IPO9: variants seen among roughly 807,000 people sequenced by gnomAD.
IPO9 encodes importin-9.
IPO9 carries 28 observed loss-of-function variants against 128.6 expected under a neutral mutation model. The observed-to-expected ratio is 0.22, with a 90% confidence interval of 0.16 to 0.30. The LOEUF is 0.30. Among genes scored for constraint, IPO9 ranks in the 10% least tolerant of loss-of-function variants. The pLI is 1.00. For missense variants in IPO9, 935 were observed against 1,293.9 expected, an observed-to-expected ratio of 0.72 and a Z score of 4.26; for synonymous variants, 455 against 475.8, an observed-to-expected ratio of 0.96 and a Z score of 0.57.
rs572292732 is a variant in IPO9, at chr1:201,880,654, T to C, written c.*4600T>C. 2.0e-5 allele frequency: 3 copies of C among 152,346 alleles called. No individual in the cohort carries two copies. The highest frequency in any genetic ancestry group is 1.9e-4 in the East Asian group (1 of 5,190). 9.4% of individuals were successfully genotyped at this position (152,346 alleles called of 1,614,324 possible). On this transcript the variant is annotated 3_prime_UTR_variant, in exon 24 of 24. Transcript: ENST00000361565. Reference sequence around the variant, plus strand: ...GTGAACTATGAACCTCTATTAGATATGCAAGGCCGGTGCTAAATGCTGGAG... The same window carrying C: ...GTGAACTATGAACCTCTATTAGATACGCAAGGCCGGTGCTAAATGCTGGAG...
chr1:201,853,435 A>T (rs866625554), intron 6 of IPO9, among the ~76,000 whole-genome samples: 1 of 149,448 alleles, frequency 6.7e-6, no homozygotes, highest in South Asian at 2.1e-4. Flanking sequence ...GTCTCACTGT[A>T]TTGCCCAGGC....
chr1:201,837,697 CA>C (rs1273314856), intron 1 of IPO9, among the ~76,000 whole-genome samples: 1 of 152,088 alleles, frequency 6.6e-6, no homozygotes, highest in Non-Finnish European at 1.5e-5. Context: ...AGTAATGATC[CA>C]AAAATTATGC....
In IPO9 at chr1:201,877,834, G is replaced by C. The variant is rs1680794705; in HGVS notation, c.*1780G>C. The C allele has an allele frequency of 6.6e-6, 1 of 152,112 alleles. No homozygotes were observed. The highest frequency in any genetic ancestry group is 2.1e-4 in the South Asian group (1 of 4,816). The allele number at this position is 152,112 out of a possible 1,614,324, so 9.4% of individuals were successfully genotyped here. A position where few individuals can be genotyped will look rare whatever the true frequency, so the allele number is the denominator to read the frequency against. Reference sequence around the variant, plus strand: ...AGCTACTCGGGAGGCTGAGACAGGAGAATCGCTTGAACCTGGGAGGCAGAG... The same window carrying C: ...AGCTACTCGGGAGGCTGAGACAGGACAATCGCTTGAACCTGGGAGGCAGAG... On this transcript the variant is annotated 3_prime_UTR_variant, in exon 24 of 24. Coordinates refer to ENST00000361565, the MANE Select transcript of IPO9 (RefSeq NM_018085.5).
chr1:201,844,121 T>C (rs545022792), intron 1 of IPO9, among the ~76,000 whole-genome samples: 1 of 152,192 alleles, frequency 6.6e-6, no homozygotes, highest in South Asian at 2.1e-4. Context: ...TGTCAAAATA[T>C]TTCTCCCTAG....
rs1207921866 is a variant in IPO9 at position 201,857,167 on chromosome 1, T to C, written c.1194T>C (p.Val398=). Residue 398 remains valine (V), a synonymous_variant, in exon 11 of 24, where the codon GTT becomes GTC. Transcript: ENST00000361565. ...DEDDDTFSYT[V]RIAAQDLLLA... is the part of the protein sequence containing the mutation. ...ATGATGATACATTCTCCTATACTGT[T>C]AGAATAGCAGCTCAAGACTTGTTGC... 6.2e-7 allele frequency: 1 copy of C among 1,611,780 alleles called. No homozygotes were observed.
At chr1:201,853,863 C>T (rs1202538256) in intron 6 of IPO9, among the ~76,000 whole-genome samples, 6 of 152,230 alleles carry the variant, frequency 3.9e-5, no homozygotes, top group Non-Finnish European at 5.9e-5. Context: ...CTCAGCCTCC[C>T]GAGTAGCTGG....
At chr1:201,842,723 T>G (rs1367525236) in intron 1 of IPO9, among the ~76,000 whole-genome samples, 2 of 152,218 alleles carry the variant, frequency 1.3e-5, no homozygotes, top group Non-Finnish European at 2.9e-5. Flanking sequence ...TACTGCCACA[T>G]TACTAGAATC....
In IPO9 at chr1:201,854,856, C is replaced by G. The variant is rs1470347625; in HGVS notation, c.844C>G (p.His282Asp). 1 of 1,611,772 alleles carries G rather than the reference C, an allele frequency of 6.2e-7. No individual in the cohort carries two copies. The highest frequency in any genetic ancestry group is 1.3e-5 in the African/African-American group (1 of 74,748). ...VTALVKNFPK[H>D]MVSSMQQILP... ...AGCCCTAGTGAAAAACTTCCCAAAG[C>G]ACATGGTGTCCTCCATGCAGCAGAT... The change falls in exon 8 of 24, where the codon CAC (histidine) becomes GAC (aspartate). Residue 282 changes from histidine (H) to aspartate (D), a missense_variant. By Grantham distance (81) the His-to-Asp change is moderately conservative. Coordinates refer to ENST00000361565, the MANE Select transcript of IPO9 (RefSeq NM_018085.5).
intron 1 of IPO9, 99 bp downstream of exon 1, chr1:201,829,471 A>C: frequency 8.1e-7 from 1 of 1,237,226 alleles, no homozygotes; most frequent in Non-Finnish European, 1.1e-6. Flanking sequence ...AGCCAGTTGG[A>C]GATGTGGGCG....
Position 201,879,411 on chromosome 1 carries a change from TC to T in IPO9, c.*3362del, listed in dbSNP as rs1680842456. 1 of 152,174 alleles carries T rather than the reference TC, an allele frequency of 6.6e-6. No homozygotes were observed. The allele number at this position is 152,174 out of a possible 1,614,324, so 9.4% of individuals were successfully genotyped here. ...CCCATTGTGGGTTGACCTGGTAAGT[TC>T]CCCCAGGGCTGTGTCCTTGGCCCCT... On this transcript the variant is annotated 3_prime_UTR_variant, in exon 24 of 24. Coordinates refer to ENST00000361565, the MANE Select transcript of IPO9 (RefSeq NM_018085.5).
intron 1 of IPO9, among the ~76,000 whole-genome samples, chr1:201,830,491 T>C (rs1033443481): frequency 6.6e-6 from 1 of 152,214 alleles, no homozygotes; most frequent in African/African-American, 2.4e-5. Context: ...TATGTTAAGA[T>C]TTGGGATCTA....
intron 4 of IPO9, among the ~76,000 whole-genome samples, chr1:201,849,329 G>C (rs1357064615): frequency 6.6e-6 from 1 of 152,118 alleles, no homozygotes; most frequent in Non-Finnish European, 1.5e-5. Context: ...CTTAGGGATG[G>C]CCTGAGTTTC....
In IPO9 at chr1:201,829,184, G is replaced by A. The variant is rs767614898; in HGVS notation, c.-26G>A. On this transcript the variant is annotated 5_prime_UTR_variant, in exon 1 of 24. Coordinates refer to ENST00000361565, the MANE Select transcript of IPO9 (RefSeq NM_018085.5). Reference sequence around the variant, plus strand: ...CATTCGGTGGCGGGTCCCGGCCGCGGGGCTGGCGGGCTGAGGGGAGAAAAG... The same window carrying A: ...CATTCGGTGGCGGGTCCCGGCCGCGAGGCTGGCGGGCTGAGGGGAGAAAAG... The A allele has an allele frequency of 2.7e-6, 4 of 1,484,862 alleles. No homozygotes were observed. The highest frequency in any genetic ancestry group is 1.5e-5 in the African/African-American group (1 of 68,482). The allele number at this position is 1,484,862 out of a possible 1,614,324, so 92.0% of individuals were successfully genotyped here. A position where few individuals can be genotyped will look rare whatever the true frequency, so the allele number is the denominator to read the frequency against.
intron 14 of IPO9, among the ~76,000 whole-genome samples, chr1:201,865,199 CTTTTTTTTTTTTTT>C (rs201084995): frequency 7.5e-6 from 1 of 132,852 alleles, no homozygotes; most frequent in Non-Finnish European, 1.6e-5. Flanking sequence ...AACTATTTTT[CTTTTTTTTTTTTTT>C]TTTTCTTTTC....
At chr1:201,849,477 AT>A (rs1680179695) in intron 4 of IPO9, among the ~76,000 whole-genome samples, 1 of 152,150 alleles carries the variant, frequency 6.6e-6, no homozygotes, top group African/African-American at 2.4e-5. Context: ...CTTTGTTCAT[AT>A]AGGTTTGTAG....
chr1:201,833,154 C>T (rs1558214336), intron 1 of IPO9, among the ~76,000 whole-genome samples: 1 of 152,020 alleles, frequency 6.6e-6, no homozygotes, highest in East Asian at 1.9e-4. Flanking sequence ...GTGAGAGATC[C>T]ATTTGATTCA....
chr1:201,848,009 G>A (rs1680151141), intron 3 of IPO9, among the ~76,000 whole-genome samples: 1 of 152,032 alleles, frequency 6.6e-6, no homozygotes, highest in South Asian at 2.1e-4. Flanking sequence ...AAATTTTGAG[G>A]TATAAGGTCT....
At chr1:201,856,598 C>T (rs1457216906) in intron 10 of IPO9, among the ~76,000 whole-genome samples, 2 of 152,164 alleles carry the variant, frequency 1.3e-5, no homozygotes, top group Non-Finnish European at 2.9e-5. Context: ...ACCTACCTTG[C>T]TACTTAATAG....
chr1:201,865,672 CAAAT>C (rs1269334477), intron 14 of IPO9, among the ~76,000 whole-genome samples: 1 of 152,160 alleles, frequency 6.6e-6, no homozygotes, highest in Admixed American at 6.5e-5. Flanking sequence ...TACTGATTGA[CAAAT>C]AATTATACTT....
Sources: gnomAD v4.1 joint callset for allele counts (sites outside exome capture counted in the v4.1 genomes callset) on GRCh38, gnomAD v4.1.1 for gene constraint, MANE v1.5 for transcripts, NCBI Gene and HGNC (gene_info 2026-07-23, HGNC 2026-07-21) for gene names.